DOC2B: variants seen among roughly 807,000 people sequenced by gnomAD.
DOC2B encodes double C2-like domain-containing protein beta.
A neutral mutation model predicts 28.9 loss-of-function variants in DOC2B; 21 were observed. That is an observed-to-expected ratio of 0.73 (90% CI 0.52 to 1.05). The LOEUF (loss-of-function observed/expected upper bound fraction) is 1.05, where lower values mean the gene tolerates loss of function less well. Ranked by LOEUF, DOC2B falls within the 50% of genes least tolerant of loss-of-function variation. DOC2B has a pLI of 0.00. For synonymous variants in DOC2B, 194 were observed against 178.1 expected (o/e 1.09, Z -0.71); for missense variants, 384 against 421.1 (o/e 0.91, Z 0.77).
At chr17:161,275 G>T in intron 5 of DOC2B, 140 bp downstream of exon 5, 1 of 890,538 alleles carries the variant, frequency 1.1e-6, no homozygotes, top group Non-Finnish European at 1.7e-6. Context: ...CCACCCCCTT[G>T]ACTCTCCATG....
At chr17:180,708 A>C (rs2040430665) in intron 1 of DOC2B, among the ~76,000 whole-genome samples, 1 of 151,072 alleles carries the variant, frequency 6.6e-6, no homozygotes, top group South Asian at 2.1e-4. Flanking sequence ...GCGGGGAGCG[A>C]CCGCGCGGCC....
rs560712286 is a variant in DOC2B at position 176,256 on chromosome 17, C to T, written c.374-3640G>A. The stretch of plus-strand genomic sequence containing the variant: ...TTACCCAGGCTGGAGTACAGTGGTG[C>T]GATCACAGTTCAGCCTCCCAGGCTC... On this transcript the variant is annotated intron_variant, in intron 1 of 8. Transcript: ENST00000613549. Among the ~76,000 whole-genome samples, 322 of 151,778 alleles carry T rather than the reference C, an allele frequency of 2.1e-3. 2 individuals carry two copies. The highest frequency in any genetic ancestry group is 7.6e-3 in the African/African-American group (313 of 41,370).
At chr17:161,178 G>A (rs1035711106) in intron 5 of DOC2B, among the ~76,000 whole-genome samples, 2 of 152,116 alleles carry the variant, frequency 1.3e-5, no homozygotes, top group African/African-American at 4.8e-5. Context: ...AGGCCAGCGA[G>A]CCTGGTAAAA....
intron 8 of DOC2B, 73 bp from the exon 9 acceptor site, chr17:147,650 C>A: frequency 2.5e-6 from 1 of 398,760 alleles, no homozygotes; most frequent in East Asian, 3.6e-5. Flanking sequence ...ATGCCCCCTC[C>A]CAGGTTCTGT....
Position 156,279 on chromosome 17 carries a change from C to A in DOC2B, c.864G>T (p.Val288=), listed in dbSNP as rs1019297423. The part of the protein sequence containing the change: ...SQKQGLLVGI[V]RCAHLAAMDA... ...CCATGGCGGCCAGGTGGGCGCACCG[C>A]ACGATGCCTACCAGCAGGCCTTGCT... The change falls in exon 6 of 9, where the codon GTG becomes GTT. Residue 288 remains valine, a synonymous_variant. Transcript: ENST00000613549. 2.4e-5 allele frequency: 38 copies of A among 1,551,632 alleles called. No individual in the cohort carries two copies. Among genetic ancestry groups the A allele is most frequent in the Non-Finnish European group, 3.2e-5 (37 of 1,147,088 alleles).
chr17:181,154 G>C lies in DOC2B; in HGVS notation c.326C>G (p.Pro109Arg). Residue 109 changes from proline (P) to arginine (R), a missense_variant, in exon 1 of 9, where the codon CCG becomes CGG. By Grantham distance (103) the Pro-to-Arg change is moderately radical. Transcript: ENST00000613549. The surrounding 1 kb of genome is among the most constrained non-coding windows in gnomAD (Gnocchi z 7.0). ...GPSPARPPAK[P>R]PEDEPDADGY... ...GTCGGCGTCCGGCTCGTCCTCCGGC[G>C]GCTTGGCTGGCGGCCGCGCGGGGCT... The C allele has an allele frequency of 8.0e-7, 1 of 1,253,396 alleles. No homozygotes were observed. The highest frequency in any genetic ancestry group is 1.0e-6 in the Non-Finnish European group (1 of 1,000,032). The allele number at this position is 1,253,396 out of a possible 1,614,324, so 77.6% of individuals were successfully genotyped here.
At chr17:178,578 G>A (rs1399426630) in intron 1 of DOC2B, among the ~76,000 whole-genome samples, 1 of 152,208 alleles carries the variant, frequency 6.6e-6, no homozygotes, top group East Asian at 1.9e-4. Context: ...CCGACACTGG[G>A]TCCTGCTCCT....
chr17:179,838 T>C (rs954966826), intron 1 of DOC2B, among the ~76,000 whole-genome samples: 1 of 152,264 alleles, frequency 6.6e-6, no homozygotes, highest in Non-Finnish European at 1.5e-5. Flanking sequence ...TCCAGGCCTC[T>C]AGAAAGTGCA....
Position 147,587 on chromosome 17 carries a change from G to A in DOC2B, c.1103-10C>T, listed in dbSNP as rs1224694446. 2 of 398,906 alleles carry A rather than the reference G, an allele frequency of 5.0e-6. No homozygotes were observed. Among genetic ancestry groups the A allele is most frequent in the Non-Finnish European group, 8.8e-6 (2 of 226,264 alleles). 24.7% of individuals were successfully genotyped at this position (398,906 alleles called of 1,614,324 possible). Reference sequence around the variant, plus strand: ...CCCAGAACCACACCACCTGCAGGAGGACAGGAGGGGCAGCTGGGGCACAGG... The same window carrying A: ...CCCAGAACCACACCACCTGCAGGAGAACAGGAGGGGCAGCTGGGGCACAGG... On this transcript the variant is annotated splice_polypyrimidine_tract_variant and intron_variant, in intron 8 of 8. Coordinates refer to ENST00000613549, the MANE Select transcript of DOC2B (RefSeq NM_003585.5).
chr17:168,686 C>T (rs2040276319), intron 2 of DOC2B, among the ~76,000 whole-genome samples: 2 of 143,720 alleles, frequency 1.4e-5, no homozygotes, highest in South Asian at 4.6e-4. Flanking sequence ...GTAGTGAATA[C>T]GTCTCACGAG....
rs2040045414 is a variant in DOC2B, at chr17:149,098, C to T, written c.1005+13G>A. The T allele has an allele frequency of 2.5e-6, 1 of 399,108 alleles. No individual in the cohort carries two copies. The highest frequency in any genetic ancestry group is 4.4e-5 in the Admixed American group (1 of 22,720). The allele number at this position is 399,108 out of a possible 1,614,324, so 24.7% of individuals were successfully genotyped here. A position where few individuals can be genotyped will look rare whatever the true frequency, so the allele number is the denominator to read the frequency against. On this transcript the variant is annotated intron_variant, in intron 7 of 8. Transcript: ENST00000613549. Reference sequence around the variant, plus strand: ...AGGAATGGCCTTCATGAAGCTTCACCAGCCCCTCATACCTCATTAAACTCC... The same window carrying T: ...AGGAATGGCCTTCATGAAGCTTCACTAGCCCCTCATACCTCATTAAACTCC...
At chr17:158,342 A>G (rs1292462946) in intron 5 of DOC2B, among the ~76,000 whole-genome samples, 2 of 150,934 alleles carry the variant, frequency 1.3e-5, no homozygotes, top group Non-Finnish European at 2.9e-5. Flanking sequence ...TCCCCTTAGG[A>G]CTCTACCAGG....
chr17:173,383 G>A (rs558507512), intron 1 of DOC2B, among the ~76,000 whole-genome samples: 1 of 152,286 alleles, frequency 6.6e-6, no homozygotes, highest in African/African-American at 2.4e-5. Flanking sequence ...ATGGTGGGGG[G>A]CAGAGCTTAG....
intron 4 of DOC2B, among the ~76,000 whole-genome samples, chr17:161,823 G>A (rs1467081792): frequency 1.3e-5 from 2 of 152,206 alleles, no homozygotes; most frequent in Non-Finnish European, 2.9e-5. Context: ...GTTCTCTGGA[G>A]GGAACCACCT....
chr17:166,739 C>G (rs2040270320), intron 2 of DOC2B, among the ~76,000 whole-genome samples: 2 of 145,398 alleles, frequency 1.4e-5, no homozygotes, highest in Admixed American at 1.4e-4. Flanking sequence ...ATCTCATGGT[C>G]TGACACTGTT....
chr17:158,135 G>A (rs986033039), intron 5 of DOC2B, among the ~76,000 whole-genome samples: 2 of 152,124 alleles, frequency 1.3e-5, no homozygotes, highest in African/African-American at 4.8e-5. Flanking sequence ...GCCTCTCAAG[G>A]CAGATCTCAG....
intron 2 of DOC2B, among the ~76,000 whole-genome samples, chr17:164,690 A>C (rs1161324358): frequency 1.3e-5 from 2 of 152,136 alleles, no homozygotes; most frequent in Admixed American, 1.3e-4. Context: ...AGATCACACA[A>C]GCAGACTGGC....
chr17:165,627 C>T lies in DOC2B; in HGVS notation c.454-1423G>A, dbSNP rs570731015. 5.8e-3 allele frequency among the ~76,000 whole-genome samples: 890 copies of T among 152,186 alleles called. 9 individuals are homozygous for T. The highest frequency in any genetic ancestry group is 0.02 in the African/African-American group (838 of 41,528). Reference sequence around the variant, plus strand: ...CCCTGCACGCCAGGCCCCCGTGAGACGCCGGAGAAGCGGTTGAGGTCTGCT... The same window carrying T: ...CCCTGCACGCCAGGCCCCCGTGAGATGCCGGAGAAGCGGTTGAGGTCTGCT... On this transcript the variant is annotated intron_variant, in intron 2 of 8. Transcript: ENST00000613549.
intron 1 of DOC2B, among the ~76,000 whole-genome samples, chr17:175,901 G>A (rs1597836068): frequency 6.6e-6 from 1 of 152,214 alleles, no homozygotes; most frequent in Non-Finnish European, 1.5e-5. Flanking sequence ...CACCTCCTGG[G>A]AAGGAACAGC....
Sources: gnomAD v4.1 joint callset for allele counts (sites outside exome capture counted in the v4.1 genomes callset) on GRCh38, gnomAD v4.1.1 for gene constraint, Gnocchi (gnomAD v3.1) non-coding constraint, MANE v1.5 for transcripts, NCBI Gene and HGNC (gene_info 2026-07-23, HGNC 2026-07-21) for gene names.